The following ZNF81 variants were observed in gnomAD, a reference collection of about 807,000 sequenced individuals.
The protein encoded by ZNF81 is zinc finger protein 81.
ZNF81 carries 5 observed loss-of-function variants against 32.3 expected under a neutral mutation model. The observed-to-expected ratio is 0.15, with a 90% CI of 0.08 to 0.33. The LOEUF is 0.33. Ranked by LOEUF, ZNF81 falls within the 10% of genes least tolerant of loss-of-function variation. ZNF81 has a pLI of 1.00. For missense variants in ZNF81, 379 were observed against 479.8 expected, an observed-to-expected ratio of 0.79 and a Z score of 1.96; for synonymous variants, 163 against 166.8, an observed-to-expected ratio of 0.98 and a Z score of 0.17.
intron 1 of ZNF81, among the ~76,000 whole-genome samples, chrX:47,842,343 G>A (rs1222628131): frequency 9.0e-6 from 1 of 111,536 alleles, no homozygotes; most frequent in Non-Finnish European, 1.9e-5. Context: ...TTCCTGGTCC[G>A]TTAACAGGAA....
At chrX:47,845,193 T>G (rs1208108375) in intron 1 of ZNF81, among the ~76,000 whole-genome samples, 6 of 111,831 alleles carry the variant, frequency 5.4e-5, no homozygotes, top group Non-Finnish European at 9.4e-5. Flanking sequence ...CTTTTCCTCT[T>G]CATCCCATTC....
intron 2 of ZNF81, among the ~76,000 whole-genome samples, chrX:47,866,865 A>G (rs1397247160): frequency 3.6e-5 from 4 of 111,876 alleles, no homozygotes; most frequent in Admixed American, 2.9e-4. Flanking sequence ...ATGCCCATCA[A>G]TGATAGACTA....
At chrX:47,907,821 G>A (rs1325389599) in intron 4 of ZNF81, among the ~76,000 whole-genome samples, 4 of 108,042 alleles carry the variant, frequency 3.7e-5, no homozygotes, top group African/African-American at 1.5e-4. Flanking sequence ...TAGAAAAACA[G>A]AAATTACCAG....
intron 4 of ZNF81, among the ~76,000 whole-genome samples, chrX:47,904,661 C>T (rs2058713557): frequency 8.9e-6 from 1 of 111,732 alleles, no homozygotes; most frequent in Non-Finnish European, 1.9e-5. Flanking sequence ...GCGGTGATTC[C>T]TCAGGGATCT....
intron 2 of ZNF81, among the ~76,000 whole-genome samples, chrX:47,865,058 A>G (rs1197716994): frequency 8.9e-6 from 1 of 112,114 alleles, no homozygotes. Flanking sequence ...TAGCCAGACC[A>G]TTAGTGGATC....
chrX:47,840,503 CTTTTTTT>C (rs1225455438), intron 1 of ZNF81, among the ~76,000 whole-genome samples: 1 of 102,121 alleles, frequency 9.8e-6, no homozygotes, highest in Non-Finnish European at 2.0e-5. Flanking sequence ...TTTTCTTTTT[CTTTTTTT>C]TTTTTTTTTT....
intron 2 of ZNF81, among the ~76,000 whole-genome samples, chrX:47,878,628 C>T (rs933851035): frequency 8.9e-6 from 1 of 112,147 alleles, no homozygotes; most frequent in African/African-American, 3.2e-5. Flanking sequence ...AAGAATTTCC[C>T]CAGTTCCTCC....
intron 2 of ZNF81, among the ~76,000 whole-genome samples, chrX:47,879,796 G>A (rs982438580): frequency 8.9e-6 from 1 of 111,939 alleles, no homozygotes; most frequent in African/African-American, 3.2e-5. Context: ...GATGTGCAGA[G>A]ACCTGTGGAG....
At chrX:47,875,036 A>T (rs1183340403) in intron 2 of ZNF81, among the ~76,000 whole-genome samples, 5 of 108,681 alleles carry the variant, frequency 4.6e-5, no homozygotes, top group Non-Finnish European at 7.6e-5. Context: ...GGAACCACCC[A>T]TCTCAAAGAT....
intron 2 of ZNF81, among the ~76,000 whole-genome samples, chrX:47,850,138 T>G (rs1436648485): frequency 1.8e-5 from 2 of 111,351 alleles, no homozygotes; most frequent in Admixed American, 1.9e-4. Flanking sequence ...CCTTGGCTGA[T>G]GTACCAGGAC....
chrX:47,859,202 C>A (rs2058530127), intron 2 of ZNF81, among the ~76,000 whole-genome samples: 1 of 110,801 alleles, frequency 9.0e-6, no homozygotes, highest in Non-Finnish European at 1.9e-5. Context: ...AATTAATATT[C>A]TAATTATTAT....
intron 4 of ZNF81, among the ~76,000 whole-genome samples, chrX:47,911,193 G>C (rs1447104076): frequency 9.0e-6 from 1 of 111,178 alleles, no homozygotes; most frequent in East Asian, 2.8e-4. Flanking sequence ...ATTATTCCCA[G>C]TTTAAAATTT....
intron 2 of ZNF81, among the ~76,000 whole-genome samples, chrX:47,857,885 C>G (rs1453405951): frequency 9.0e-6 from 1 of 110,975 alleles, no homozygotes; most frequent in Non-Finnish European, 1.9e-5. Flanking sequence ...GGGGGTTACT[C>G]TCCTATAATC....
In ZNF81 at chrX:47,846,161, A is replaced by T; in HGVS notation, c.-107A>T. 1.1e-6 allele frequency: 1 copy of T among 947,217 alleles called. No individual in the cohort carries two copies. Among genetic ancestry groups the T allele is most frequent in the South Asian group, 2.1e-5 (1 of 48,301 alleles). 78.1% of individuals were successfully genotyped at this position (947,217 alleles called of 1,213,427 possible). On this transcript the variant is annotated 5_prime_UTR_variant, in exon 2 of 5. Coordinates refer to ENST00000338637, the MANE Select transcript of ZNF81 (RefSeq NM_007137.5). ...CAGATCTCACAGTGAAAGCTGCAGG[A>T]TCTTCCTTCTGACCCCAGCAGTCCC... is the stretch of plus-strand genomic sequence containing the variant.
chrX:47,912,841 C>T (rs1282972069), intron 4 of ZNF81, among the ~76,000 whole-genome samples: 4 of 110,971 alleles, frequency 3.6e-5, no homozygotes, highest in Non-Finnish European at 7.5e-5. Context: ...AGAACATTGT[C>T]ACATGGCCAC....
intron 2 of ZNF81, among the ~76,000 whole-genome samples, chrX:47,886,197 G>C (rs1010626231): frequency 2.7e-5 from 3 of 111,966 alleles, no homozygotes; most frequent in Non-Finnish European, 5.6e-5. Flanking sequence ...ATTTTCTCTT[G>C]AGCCTCTTCC....
intron 3 of ZNF81, among the ~76,000 whole-genome samples, chrX:47,892,796 C>A (rs1200758707): frequency 8.9e-6 from 1 of 112,946 alleles, no homozygotes; most frequent in Non-Finnish European, 1.9e-5. Flanking sequence ...GGTGTACACA[C>A]ATCCTCATGG....
chrX:47,905,983 T>A (rs1212993065), intron 4 of ZNF81, among the ~76,000 whole-genome samples: 2 of 106,546 alleles, frequency 1.9e-5, no homozygotes, highest in Non-Finnish European at 3.9e-5. Flanking sequence ...AGGAATTAAG[T>A]CAACAAAAGA....
intron 1 of ZNF81, among the ~76,000 whole-genome samples, chrX:47,837,406 A>G (rs2022365): frequency 0.4 from 44,255 of 110,953 alleles, 6,994 homozygotes; most frequent in East Asian, 0.61. Context: ...TTAGTCGTCA[A>G]TTGTGTCATA....
Sources: allele counts gnomAD v4.1 joint callset (sites outside exome capture counted in the v4.1 genomes callset), GRCh38; gene constraint gnomAD v4.1.1; transcripts MANE v1.5; gene names NCBI Gene and HGNC (gene_info 2026-07-23, HGNC 2026-07-21).